Variants in LIMCH1 observed in about 807,000 individuals in gnomAD.
LIMCH1 encodes the protein LIM and calponin homology domains 1, also known as LIM and calponin homology domains-containing protein 1.
A neutral mutation model predicts 176.5 loss-of-function variants in LIMCH1; 113 were observed. The ratio of observed to expected loss-of-function variants is 0.64; its 90% confidence interval spans 0.55 to 0.75. The LOEUF (loss-of-function observed/expected upper bound fraction) is 0.75, where lower values mean the gene tolerates loss of function less well. Ranked by LOEUF, LIMCH1 falls within the 30% of genes least tolerant of loss-of-function variation. The pLI is 0.00. For synonymous variants in LIMCH1, 619 were observed against 645.9 expected (o/e 0.96, Z 0.63); for missense variants, 1,674 against 1,814.9 (o/e 0.92, Z 1.41).
At position 41,693,426 on chromosome 4, in the gene LIMCH1, C is replaced by T. The variant is rs376030336; in HGVS notation, c.4378+1042C>T. The T allele has an allele frequency of 4.6e-5, 7 of 152,102 alleles. No individual in the cohort carries two copies. In the East Asian group the frequency reaches 9.7e-4, roughly 21 times the overall value. 9.4% of individuals were successfully genotyped at this position (152,102 alleles called of 1,614,324 possible). ...ATAAAATGGGAAATAAAAATTTAAT[C>T]AAACCCAGGTAGTTTAGATTTATAA... On this transcript the variant is annotated intron_variant, in intron 31 of 31. Coordinates refer to ENST00000503057, the MANE Select transcript of LIMCH1 (RefSeq NM_001330672.2).
chr4:41,502,130 C>T (rs923061095), intron 2 of LIMCH1, among the ~76,000 whole-genome samples: 4 of 149,090 alleles, frequency 2.7e-5, no homozygotes, highest in Non-Finnish European at 5.9e-5. Context: ...TCTCATCATT[C>T]AGCTCCCCCT....
intron 3 of LIMCH1, among the ~76,000 whole-genome samples, chr4:41,526,309 G>A (rs915418064): frequency 2.6e-4 from 35 of 134,030 alleles, no homozygotes; most frequent in Non-Finnish European, 4.6e-4. Context: ...CCTGCTTACC[G>A]TCACCCTGTA....
intron 2 of LIMCH1, among the ~76,000 whole-genome samples, chr4:41,522,598 T>G (rs972860662): frequency 3.3e-5 from 5 of 152,206 alleles, no homozygotes; most frequent in Non-Finnish European, 7.3e-5. Flanking sequence ...AAAAAGAATT[T>G]TGTACATTTA....
chr4:41,535,497 T>A (rs2077812147), upstream of LIMCH1, among the ~76,000 whole-genome samples: 1 of 152,202 alleles, frequency 6.6e-6, no homozygotes, highest in Non-Finnish European at 1.5e-5. Flanking sequence ...CTTTCCCCTG[T>A]ATGTATCTGT....
At chr4:41,501,330 A>G (rs1295660579) in intron 2 of LIMCH1, among the ~76,000 whole-genome samples, 1 of 152,244 alleles carries the variant, frequency 6.6e-6, no homozygotes, top group Non-Finnish European at 1.5e-5. Flanking sequence ...AAGGAAATGA[A>G]TTCTTAAGTG....
intron 14 of LIMCH1, among the ~76,000 whole-genome samples, chr4:41,643,245 G>T (rs2093911948): frequency 6.6e-6 from 1 of 152,140 alleles, no homozygotes; most frequent in African/African-American, 2.4e-5. Context: ...GCTGTTCATT[G>T]TCTGGCCATG....
chr4:41,417,764 G>T (rs2060072980), intron 1 of LIMCH1, among the ~76,000 whole-genome samples: 1 of 151,946 alleles, frequency 6.6e-6, no homozygotes, highest in South Asian at 2.1e-4. Context: ...GTTCAATAGA[G>T]CCGCCCACCT....
chr4:41,523,099 T>C (rs557307843), intron 2 of LIMCH1, among the ~76,000 whole-genome samples: 1 of 152,084 alleles, frequency 6.6e-6, no homozygotes, highest in Non-Finnish European at 1.5e-5. Flanking sequence ...TCTCAACATA[T>C]GAATATATGG....
intron 13 of LIMCH1, among the ~76,000 whole-genome samples, 196 bp downstream of exon 13, chr4:41,634,004 A>G (rs2093457697): frequency 6.6e-6 from 1 of 152,200 alleles, no homozygotes. Context: ...TGGTGAATTT[A>G]CCTGTTAAAC....
At chr4:41,526,167 C>T (rs1317428838) in intron 3 of LIMCH1, among the ~76,000 whole-genome samples, 1 of 140,184 alleles carries the variant, frequency 7.1e-6, no homozygotes, top group African/African-American at 2.6e-5. Context: ...GACAAGGTGA[C>T]CTCATCTTCT....
At chr4:41,619,463 C>T in intron 6 of LIMCH1, 23 bp downstream of exon 6, 1 of 1,602,410 alleles carries the variant, frequency 6.2e-7, no homozygotes, top group Non-Finnish European at 8.5e-7. Context: ...CACCGCTGCC[C>T]TCTTCCTGGC....
At chr4:41,363,149 G>A (rs751764066) in intron 1 of LIMCH1, among the ~76,000 whole-genome samples, 53 of 152,204 alleles carry the variant, frequency 3.5e-4, no homozygotes, top group Admixed American at 1.2e-3. Flanking sequence ...TTCTTGAAAT[G>A]TAAATGCCGA....
intron 1 of LIMCH1, among the ~76,000 whole-genome samples, chr4:41,445,773 G>A (rs1027390292): frequency 6.6e-6 from 1 of 152,162 alleles, no homozygotes; most frequent in Non-Finnish European, 1.5e-5. Flanking sequence ...GGAGATGAGG[G>A]TAGCTACTGA....
At position 41,600,689 on chromosome 4, in the gene LIMCH1, G is replaced by C. The variant is rs535084321; in HGVS notation, c.-134+1663G>C. Among the ~76,000 whole-genome samples the C allele has an allele frequency of 5.9e-5, 9 of 152,146 alleles. No individual in the cohort carries two copies. The South Asian group carries it at 1.7e-3, about 28-fold the overall frequency. On this transcript the variant is annotated intron_variant, in intron 2 of 31. Coordinates refer to ENST00000503057, the MANE Select transcript of LIMCH1 (RefSeq NM_001330672.2). ...CTGGTTAAGCTCCCTTCTTCAGCAG[G>C]CCCCATGTATTCATCTAAAAATTGA...
intron 1 of LIMCH1, among the ~76,000 whole-genome samples, chr4:41,592,943 C>G (rs2087927830): frequency 6.6e-6 from 1 of 152,184 alleles, no homozygotes; most frequent in African/African-American, 2.4e-5. Flanking sequence ...CTAAGGAATT[C>G]TGTTTTATTC....
chr4:41,685,870 T>A lies in LIMCH1; in HGVS notation c.4088+40T>A, dbSNP rs187163024. ...ACGATGGTTGTGGGATTCCCTTTTT[T>A]AAAAATTCATTTAGTTAGAAGGGAG... On this transcript the variant is annotated intron_variant, in intron 28 of 31. Coordinates refer to ENST00000503057, the MANE Select transcript of LIMCH1 (RefSeq NM_001330672.2). 5,413 of 1,595,200 alleles carry A rather than the reference T, an allele frequency of 3.4e-3. 12 individuals are homozygous for A. Among genetic ancestry groups the A allele is most frequent in the Non-Finnish European group, 4.2e-3 (4,904 of 1,172,580 alleles).
chr4:41,607,772 C>CT (rs34943678), intron 4 of LIMCH1, among the ~76,000 whole-genome samples: 1 of 152,154 alleles, frequency 6.6e-6, no homozygotes, highest in South Asian at 2.1e-4. Context: ...AGCTGTTACC[C>CT]TTTTTGTTGA....
chr4:41,419,531 G>A, intron 1 of LIMCH1, among the ~76,000 whole-genome samples: 1 of 151,688 alleles, frequency 6.6e-6, no homozygotes, highest in East Asian at 1.9e-4. Flanking sequence ...GAAGCTTATG[G>A]AAGAGCCTAC....
chr4:41,490,431 C>G (rs147590445), intron 1 of LIMCH1, among the ~76,000 whole-genome samples: 1 of 152,028 alleles, frequency 6.6e-6, no homozygotes, highest in African/African-American at 2.4e-5. Flanking sequence ...CTGCAGCCTT[C>G]GGCCCTGTTT....
Sources: allele counts gnomAD v4.1 joint callset (sites outside exome capture counted in the v4.1 genomes callset), GRCh38; gene constraint gnomAD v4.1.1; transcripts MANE v1.5; gene names NCBI Gene and HGNC (gene_info 2026-07-23, HGNC 2026-07-21).